DPP10: variants seen among roughly 807,000 people sequenced by gnomAD.
The protein encoded by DPP10 is inactive dipeptidyl peptidase 10.
Under a neutral mutation model 120.9 loss-of-function variants are expected in DPP10, and 33 were observed. The observed-to-expected ratio is 0.27, with a 90% CI of 0.21 to 0.37. The LOEUF (loss-of-function observed/expected upper bound fraction) is 0.37, where lower values mean the gene tolerates loss of function less well. DPP10 is among the 10% of genes least tolerant of loss of function. DPP10 has a pLI of 1.00. For missense variants in DPP10, 816 were observed against 942.8 expected, an observed-to-expected ratio of 0.87 and a Z score of 1.76; for synonymous variants, 337 against 326.1, an observed-to-expected ratio of 1.03 and a Z score of -0.36.
At chr2:115,089,697 T>C (rs1420021965) in intron 1 of DPP10, among the ~76,000 whole-genome samples, 3 of 152,188 alleles carry the variant, frequency 2.0e-5, no homozygotes, top group Non-Finnish European at 1.5e-5. Context: ...AGCACAAACA[T>C]AGTTTTGGAA....
chr2:115,204,100 G>A (rs2055943344), intron 1 of DPP10, among the ~76,000 whole-genome samples: 1 of 146,132 alleles, frequency 6.8e-6, no homozygotes, highest in Non-Finnish European at 1.5e-5. Flanking sequence ...TAGGCTACTT[G>A]TGAAGAAATA....
intron 5 of DPP10, among the ~76,000 whole-genome samples, chr2:115,672,906 C>G (rs1575492095): frequency 6.6e-6 from 1 of 151,840 alleles, no homozygotes; most frequent in East Asian, 1.9e-4. Context: ...GCCACCACAC[C>G]TGGCTAAGTT....
At chr2:114,472,375 AG>A (rs1679992906) in intron 1 of DPP10, among the ~76,000 whole-genome samples, 1 of 152,196 alleles carries the variant, frequency 6.6e-6, no homozygotes, top group African/African-American at 2.4e-5. Context: ...ATGGGGGCAG[AG>A]AAAGGATTTA....
chr2:115,569,107 C>T lies in DPP10; in HGVS notation c.441+43135C>T, dbSNP rs2081192988. On this transcript the variant is annotated intron_variant, in intron 5 of 25. Coordinates refer to ENST00000410059, the MANE Select transcript of DPP10 (RefSeq NM_020868.6). ...AATTGCATGCTATATGTATTTTCAC[C>T]ACCCCTTAGTTCACAGATGAAAAAC... 2.0e-5 allele frequency among the ~76,000 whole-genome samples: 3 copies of T among 152,100 alleles called. No individual in the cohort carries two copies. The South Asian group carries it at 6.2e-4, about 32-fold the overall frequency.
intron 5 of DPP10, among the ~76,000 whole-genome samples, chr2:115,583,369 A>G (rs2082106767): frequency 6.6e-6 from 1 of 152,184 alleles, no homozygotes; most frequent in Admixed American, 6.5e-5. Context: ...ATTGTCTTCC[A>G]CTGGATATTA....
At chr2:114,492,484 A>G (rs976705644) in intron 1 of DPP10, among the ~76,000 whole-genome samples, 1 of 152,206 alleles carries the variant, frequency 6.6e-6, no homozygotes. Flanking sequence ...GACAAACTAA[A>G]AAATAAGAAT....
chr2:115,032,848 G>A (rs1184498911), intron 1 of DPP10, among the ~76,000 whole-genome samples: 1 of 148,456 alleles, frequency 6.7e-6, no homozygotes, highest in South Asian at 2.1e-4. Flanking sequence ...TCGCGCCATT[G>A]TACTCCAGCC....
At chr2:114,887,964 C>T (rs1451042764) in intron 1 of DPP10, among the ~76,000 whole-genome samples, 1 of 151,408 alleles carries the variant, frequency 6.6e-6, no homozygotes, top group Non-Finnish European at 1.5e-5. Flanking sequence ...ACAGTGAAAC[C>T]CCGACCGTCT....
At chr2:115,438,335 A>G (rs930755602) in intron 3 of DPP10, among the ~76,000 whole-genome samples, 5 of 152,148 alleles carry the variant, frequency 3.3e-5, no homozygotes, top group Non-Finnish European at 5.9e-5. Flanking sequence ...AAAAGTTTGC[A>G]TAGAATAACT....
chr2:115,286,954 G>T (rs1359429600), intron 1 of DPP10, among the ~76,000 whole-genome samples: 1 of 151,986 alleles, frequency 6.6e-6, no homozygotes, highest in Non-Finnish European at 1.5e-5. Flanking sequence ...TAGGTACAAA[G>T]ATCTCTCTGT....
intron 1 of DPP10, among the ~76,000 whole-genome samples, chr2:114,686,793 C>T (rs1345740962): frequency 6.6e-6 from 1 of 151,946 alleles, no homozygotes; most frequent in Non-Finnish European, 1.5e-5. Context: ...ACAATACATT[C>T]TTCCCATACA....
intron 11 of DPP10, among the ~76,000 whole-genome samples, chr2:115,760,811 T>A (rs1294280138): frequency 6.6e-6 from 1 of 152,156 alleles, no homozygotes; most frequent in Admixed American, 6.5e-5. Context: ...AAAATTGGCC[T>A]ACAGGCCGGC....
chr2:115,387,884 A>C (rs2067056843), intron 3 of DPP10, among the ~76,000 whole-genome samples: 1 of 152,186 alleles, frequency 6.6e-6, no homozygotes, highest in South Asian at 2.1e-4. Context: ...AATCAACAAT[A>C]TGTTGATAAG....
chr2:115,089,293 A>G (rs1267743580), intron 1 of DPP10, among the ~76,000 whole-genome samples: 1 of 152,136 alleles, frequency 6.6e-6, no homozygotes, highest in Non-Finnish European at 1.5e-5. Flanking sequence ...AGAATAATCC[A>G]ATCTAATCAT....
intron 1 of DPP10, among the ~76,000 whole-genome samples, chr2:114,468,637 G>C (rs1679634685): frequency 6.6e-6 from 1 of 152,014 alleles, no homozygotes; most frequent in African/African-American, 2.4e-5. Flanking sequence ...AAAATGTGTA[G>C]AAAATAGAAC....
chr2:114,576,156 C>G (rs1003440323), intron 1 of DPP10, among the ~76,000 whole-genome samples: 1 of 152,190 alleles, frequency 6.6e-6, no homozygotes, highest in Non-Finnish European at 1.5e-5. Context: ...AAAGTCCTAA[C>G]AGTAAATAAA....
chr2:115,319,212 G>A (rs1346247911), intron 2 of DPP10, among the ~76,000 whole-genome samples: 4 of 151,736 alleles, frequency 2.6e-5, no homozygotes, highest in Admixed American at 2.6e-4. Flanking sequence ...ATTTTCTTTT[G>A]CTGAGCCACT....
intron 1 of DPP10, among the ~76,000 whole-genome samples, chr2:114,568,735 A>G (rs1251203368): frequency 1.3e-5 from 2 of 152,214 alleles, no homozygotes; most frequent in Non-Finnish European, 2.9e-5. Flanking sequence ...ATCCTTGGGA[A>G]TGAGTTAAAG....
At chr2:115,333,583 A>G (rs1471384527) in intron 2 of DPP10, among the ~76,000 whole-genome samples, 1 of 152,094 alleles carries the variant, frequency 6.6e-6, no homozygotes, top group African/African-American at 2.4e-5. Flanking sequence ...TTCCATGTTT[A>G]GTGCTTCCTT....
Sources: allele counts gnomAD v4.1 joint callset (sites outside exome capture counted in the v4.1 genomes callset), GRCh38; gene constraint gnomAD v4.1.1; transcripts MANE v1.5; gene names NCBI Gene and HGNC (gene_info 2026-07-23, HGNC 2026-07-21).